Variants in HSP90AA1 observed in about 807,000 individuals in gnomAD.
HSP90AA1 encodes heat shock protein HSP 90-alpha.
A neutral mutation model predicts 73.3 loss-of-function variants in HSP90AA1; 18 were observed. The observed-to-expected ratio is 0.25, with a 90% confidence interval of 0.17 to 0.36. The LOEUF (loss-of-function observed/expected upper bound fraction) is 0.36. Ranked by LOEUF, HSP90AA1 falls within the 10% of genes least tolerant of loss-of-function variation. The probability of loss-of-function intolerance (pLI) is 1.00; values close to 1 mark genes in which losing one functional copy is unlikely to be tolerated. For synonymous variants in HSP90AA1, 477 were observed against 296.9 expected (o/e 1.61, Z -6.24); for missense variants, 704 against 874.2 (o/e 0.81, Z 2.45).
rs1191280796 is a variant in HSP90AA1, at chr14:102,081,615, T to A, written c.*97A>T. 3 of 756,018 alleles carry A rather than the reference T, an allele frequency of 4.0e-6. No individual in the cohort carries two copies. The highest frequency in any genetic ancestry group is 7.3e-6 in the Non-Finnish European group (3 of 409,848). 46.8% of individuals were successfully genotyped at this position (756,018 alleles called of 1,614,324 possible). A position where few individuals can be genotyped will look rare whatever the true frequency, so the allele number is the denominator to read the frequency against. ...AAGTAGTTGTCATGCCATACAGACTTTTTAATATTAACAAAAATAAAGAAA... is the reference window on the plus strand; with the variant it reads ...AAGTAGTTGTCATGCCATACAGACTATTTAATATTAACAAAAATAAAGAAA... On this transcript the variant is annotated 3_prime_UTR_variant, in exon 11 of 11. Transcript: ENST00000216281.
At chr14:102,098,752 A>G (rs947749170) in intron 2 of HSP90AA1, among the ~76,000 whole-genome samples, 2 of 151,668 alleles carry the variant, frequency 1.3e-5, no homozygotes, top group Non-Finnish European at 2.9e-5. Flanking sequence ...CTGGAGTGCA[A>G]TGGCACGATC....
chr14:102,083,513 G>A (rs1003055432), intron 8 of HSP90AA1, 33 bp downstream of exon 8: 9 of 1,603,736 alleles, frequency 5.6e-6, no homozygotes, highest in Admixed American at 1.7e-5. Context: ...TTGTAAGAAC[G>A]ACGTGTATGA....
Position 102,085,004 on chromosome 14 carries a change from AAAG to A in HSP90AA1, c.664-9_664-7del, listed in dbSNP as rs775827478. On this transcript the variant is annotated splice_polypyrimidine_tract_variant and splice_region_variant and intron_variant, in intron 4 of 10. Coordinates refer to ENST00000216281, the MANE Select transcript of HSP90AA1 (RefSeq NM_005348.4). ...TTATCACGTTCCTTCTCCACCTTCA[AAAG>A]AAAACACGAAATCACATCACTGCTG... 2.3e-5 allele frequency: 37 copies of A among 1,613,768 alleles called. No homozygotes were observed. Among genetic ancestry groups the A allele is most frequent in the Non-Finnish European group, 3.0e-5 (35 of 1,179,906 alleles).
chr14:102,083,333 T>C (rs1566718496), intron 8 of HSP90AA1, 31 bp from the exon 9 acceptor site: 5 of 1,612,364 alleles, frequency 3.1e-6, no homozygotes, highest in Non-Finnish European at 4.2e-6. Context: ...TTTTAGACCT[T>C]TTAACAGTTA....
upstream of HSP90AA1, among the ~76,000 whole-genome samples, chr14:102,089,859 C>T (rs567388655): frequency 1.1e-3 from 162 of 152,180 alleles, no homozygotes; most frequent in Non-Finnish European, 1.9e-3. Flanking sequence ...CTTCATCCCC[C>T]GCTTCCACAC....
At chr14:102,089,812 T>G (rs1166319261), upstream of HSP90AA1, among the ~76,000 whole-genome samples, 1 of 152,078 alleles carries the variant, frequency 6.6e-6, no homozygotes, top group Non-Finnish European at 1.5e-5. Flanking sequence ...CACTTCTGCC[T>G]CCTAAGTACC....
upstream of HSP90AA1, among the ~76,000 whole-genome samples, chr14:102,089,760 A>G (rs1281926856): frequency 6.6e-6 from 1 of 152,010 alleles, no homozygotes; most frequent in Non-Finnish European, 1.5e-5. Context: ...CACCTTAAAG[A>G]ACCCCAAGCA....
At chr14:102,088,912 T>C (rs112880950), upstream of HSP90AA1, among the ~76,000 whole-genome samples, 401 of 15,300 alleles carry the variant, frequency 0.026, no homozygotes, top group Admixed American at 0.04. Flanking sequence ...CTTTTCTTTT[T>C]TTTTTTTTTT....
At chr14:102,087,674 G>A (rs987432619), upstream of HSP90AA1, among the ~76,000 whole-genome samples, 3 of 152,108 alleles carry the variant, frequency 2.0e-5, no homozygotes, top group African/African-American at 7.2e-5. Context: ...CACTGGGGAG[G>A]CTGTCCCGCG....
In HSP90AA1 at chr14:102,084,831, C is replaced by T. The variant is rs371838714; in HGVS notation, c.831G>A (p.Lys277=). The change falls in exon 5 of 11, where the codon AAG becomes AAA. Residue 277 remains lysine (K), a synonymous_variant. Transcript: ENST00000216281. The stretch of plus-strand genomic sequence containing the variant: ...CGATGTACTTTTCCTTAATCTTCTT[C>T]TTCTTCTTCTTGTCACCATCCTTCT... ...EEKKDGDKKK[K]KKIKEKYIDQ... 32 of 1,604,570 alleles carry T rather than the reference C, an allele frequency of 2.0e-5. No homozygotes were observed. The Admixed American group carries it at 2.5e-4, about 13-fold the overall frequency.
chr14:102,084,532 T>C lies in HSP90AA1; in HGVS notation c.1014A>G (p.Arg338=). The C allele has an allele frequency of 6.2e-7, 1 of 1,614,178 alleles. No individual in the cohort carries two copies. The highest frequency in any genetic ancestry group is 8.5e-7 in the Non-Finnish European group (1 of 1,180,006). The part of the protein sequence containing the change: ...HFSVEGQLEF[R]ALLFVPRRAP... ...CACGTCGTGGGACAAATAGAAGGGC[T>C]CTGAATTCCAACTGTCCTTCAACTG... is the stretch of plus-strand genomic sequence containing the variant. The change falls in exon 6 of 11, where the codon AGA becomes AGG. Residue 338 remains arginine (R), a synonymous_variant. Coordinates refer to ENST00000216281, the MANE Select transcript of HSP90AA1 (RefSeq NM_005348.4).
At position 102,086,310 on chromosome 14, in the gene HSP90AA1, C is replaced by T; in HGVS notation, c.69G>A (p.Gln23=). ...EEEEVETFAF[Q]AEIAQLMSLI... The stretch of plus-strand genomic sequence containing the variant: ...ATGACATCAACTGGGCAATTTCTGC[C>T]TGAAAGGCGAACGTCTCAACCTCCT... Residue 23 remains glutamine (Q), a synonymous_variant, in exon 2 of 11, where the codon CAG becomes CAA. Coordinates refer to ENST00000216281, the MANE Select transcript of HSP90AA1 (RefSeq NM_005348.4). The T allele has an allele frequency of 3.1e-6, 5 of 1,614,170 alleles. No homozygotes were observed. Among genetic ancestry groups the T allele is most frequent in the Non-Finnish European group, 4.2e-6 (5 of 1,180,032 alleles).
intron 1 of HSP90AA1, among the ~76,000 whole-genome samples, chr14:102,131,970 C>T (rs1051226233): frequency 6.6e-6 from 1 of 152,154 alleles, no homozygotes; most frequent in African/African-American, 2.4e-5. Flanking sequence ...GCTGTGGTGG[C>T]TCATACCTGT....
chr14:102,083,647 A>G lies in HSP90AA1; in HGVS notation c.1385T>C (p.Leu462Pro), dbSNP rs761990071. ...AGAGGCAGATGTGTAGTACCTTAAC[A>G]GCTCTGAAAGCTTCTTCCGATTTTG... Reference protein sequence around the residue: ...DSQNRKKLSELLRYYTSASGD... With the variant: ...DSQNRKKLSEPLRYYTSASGD... The change falls in exon 8 of 11, where the codon CTG becomes CCG. Residue 462 changes from leucine (L) to proline (P), a missense_variant. By Grantham distance (98) the Leu-to-Pro change is moderately conservative. Transcript: ENST00000216281. The G allele has an allele frequency of 1.2e-6, 2 of 1,613,380 alleles. No individual in the cohort carries two copies. The highest frequency in any genetic ancestry group is 8.5e-7 in the Non-Finnish European group (1 of 1,179,548).
intron 2 of HSP90AA1, among the ~76,000 whole-genome samples, chr14:102,098,046 G>C (rs920709077): frequency 6.6e-6 from 1 of 152,106 alleles, no homozygotes; most frequent in African/African-American, 2.4e-5. Context: ...TATCCCTTCC[G>C]GATGCCTTCC....
chr14:102,130,211 C>T (rs2049891754), intron 1 of HSP90AA1, among the ~76,000 whole-genome samples: 1 of 151,690 alleles, frequency 6.6e-6, no homozygotes, highest in African/African-American at 2.4e-5. Context: ...CCTCATGATC[C>T]ACCTGCCTCG....
chr14:102,120,998 T>TACACACACACAC (rs758133126), intron 1 of HSP90AA1, among the ~76,000 whole-genome samples: 1 of 149,334 alleles, frequency 6.7e-6, no homozygotes, highest in Admixed American at 6.7e-5. Flanking sequence ...ATCTGCAACA[T>TACACACACACAC]ACACACACAC....
intron 1 of HSP90AA1, among the ~76,000 whole-genome samples, chr14:102,115,964 T>C (rs1397745746): frequency 6.6e-6 from 1 of 150,820 alleles, no homozygotes; most frequent in Non-Finnish European, 1.5e-5. Context: ...TCTTTTTTTT[T>C]TTTTTGAGAT....
intron 1 of HSP90AA1, 65 bp downstream of exon 1, chr14:102,086,921 C>G (rs1595660585): frequency 2.2e-6 from 2 of 914,872 alleles, no homozygotes; most frequent in South Asian, 5.0e-5. Context: ...GCCTCCGCCC[C>G]GCGCCAGCCG....
Sources: gnomAD v4.1 joint callset for allele counts (sites outside exome capture counted in the v4.1 genomes callset) on GRCh38, gnomAD v4.1.1 for gene constraint, MANE v1.5 for transcripts, NCBI Gene and HGNC (gene_info 2026-07-23, HGNC 2026-07-21) for gene names.